The following SH3RF1 variants were observed in gnomAD, a reference collection of about 807,000 sequenced individuals.
SH3RF1 encodes SH3 domain containing ring finger 1.
Under a neutral mutation model 74.0 loss-of-function variants are expected in SH3RF1, and 32 were observed. That is an observed-to-expected ratio of 0.43 (90% CI 0.33 to 0.58). The LOEUF (loss-of-function observed/expected upper bound fraction) is 0.58, where lower values mean the gene tolerates loss of function less well. Among genes scored for constraint, SH3RF1 ranks in the 20% least tolerant of loss-of-function variants. The pLI is 0.05. For synonymous variants in SH3RF1, 396 were observed against 439.6 expected, an observed-to-expected ratio of 0.90 and a Z score of 1.24; for missense variants, 954 against 1,130.9, an observed-to-expected ratio of 0.84 and a Z score of 2.24.
chr4:169,248,710 C>T (rs1470594524), intron 2 of SH3RF1, among the ~76,000 whole-genome samples: 1 of 152,126 alleles, frequency 6.6e-6, no homozygotes, highest in East Asian at 1.9e-4. Flanking sequence ...GTGAGCAGTC[C>T]AGTTTCCCAA....
chr4:169,266,746 C>T (rs547792336), intron 2 of SH3RF1, among the ~76,000 whole-genome samples: 22 of 152,186 alleles, frequency 1.4e-4, no homozygotes, highest in African/African-American at 5.1e-4. Context: ...ACTGAAGATG[C>T]AAGTAGCTAG....
chr4:169,110,049 G>T (rs1478410061), intron 10 of SH3RF1, among the ~76,000 whole-genome samples: 2 of 146,556 alleles, frequency 1.4e-5, no homozygotes, highest in African/African-American at 5.1e-5. Context: ...AACCACCTGG[G>T]AGGAGGAAGA....
chr4:169,197,877 TATA>T (rs1286708059), intron 2 of SH3RF1, among the ~76,000 whole-genome samples: 1 of 152,134 alleles, frequency 6.6e-6, no homozygotes, highest in Non-Finnish European at 1.5e-5. Context: ...GACTCCAGAT[TATA>T]ATAAGACTCT....
chr4:169,257,684 T>G (rs2110754460), intron 2 of SH3RF1, among the ~76,000 whole-genome samples: 1 of 152,368 alleles, frequency 6.6e-6, no homozygotes, highest in Admixed American at 6.5e-5. Context: ...CAGGACATTT[T>G]AATATGCAGA....
At chr4:169,101,539 G>GT (rs1733032566) in intron 11 of SH3RF1, among the ~76,000 whole-genome samples, 1 of 152,054 alleles carries the variant, frequency 6.6e-6, no homozygotes, top group Non-Finnish European at 1.5e-5. Context: ...GCAGTGAATG[G>GT]TTGTATGACA....
At chr4:169,154,111 G>A (rs963204248) in intron 4 of SH3RF1, among the ~76,000 whole-genome samples, 1 of 152,156 alleles carries the variant, frequency 6.6e-6, no homozygotes, top group African/African-American at 2.4e-5. Flanking sequence ...GCTTGGAAGT[G>A]CTTGTAGTTT....
At chr4:169,257,131 G>A (rs986850877) in intron 2 of SH3RF1, among the ~76,000 whole-genome samples, 2 of 152,110 alleles carry the variant, frequency 1.3e-5, no homozygotes, top group African/African-American at 2.4e-5. Flanking sequence ...AGATAACAAG[G>A]AACAGAGGAA....
At chr4:169,204,952 G>C (rs915493904) in intron 2 of SH3RF1, among the ~76,000 whole-genome samples, 4 of 152,132 alleles carry the variant, frequency 2.6e-5, no homozygotes, top group African/African-American at 4.8e-5. Context: ...TTTTAAAAAG[G>C]CTTCACGAGA....
At chr4:169,122,437 A>G (rs1000837150) in intron 6 of SH3RF1, among the ~76,000 whole-genome samples, 171 bp from the exon 7 acceptor site, 8 of 152,242 alleles carry the variant, frequency 5.3e-5, no homozygotes, top group Non-Finnish European at 1.0e-4. Context: ...GCCTGCTTCT[A>G]CAAATTCATC....
intron 10 of SH3RF1, among the ~76,000 whole-genome samples, 159 bp downstream of exon 10, chr4:169,116,110 T>C (rs141474253): frequency 1.3e-5 from 2 of 152,196 alleles, no homozygotes; most frequent in African/African-American, 4.8e-5. Flanking sequence ...TCTTCCCCAC[T>C]CTACTCCTAG....
At chr4:169,145,761 A>C (rs574859361) in intron 4 of SH3RF1, among the ~76,000 whole-genome samples, 1 of 144,150 alleles carries the variant, frequency 6.9e-6, no homozygotes, top group Non-Finnish European at 1.5e-5. Flanking sequence ...ACTATATAAA[A>C]TATATAAAAT....
chr4:169,233,357 A>G (rs1303256630), intron 2 of SH3RF1, among the ~76,000 whole-genome samples: 1 of 152,074 alleles, frequency 6.6e-6, no homozygotes, highest in African/African-American at 2.4e-5. Context: ...CATGTACAGT[A>G]GCATATATAT....
chr4:169,261,113 T>C (rs759412713), intron 2 of SH3RF1, among the ~76,000 whole-genome samples: 2 of 152,132 alleles, frequency 1.3e-5, no homozygotes. Context: ...ACAACCACTC[T>C]GCATGGAGCT....
In SH3RF1 at chr4:169,134,359, C is replaced by T. The variant is rs138098567; in HGVS notation, c.1068+1959G>A. Among the ~76,000 whole-genome samples, 3 of 152,320 alleles carry T rather than the reference C, an allele frequency of 2.0e-5. No homozygotes were observed. In the East Asian group the frequency reaches 5.8e-4, roughly 29 times the overall value. On this transcript the variant is annotated intron_variant, in intron 5 of 11. Transcript: ENST00000284637. ...TGTGGTAACGTCAGGCATGCTCACA[C>T]CTGAATGCTGAGCTCTCTGCAAAAG...
chr4:169,246,878 T>G (rs544202014), intron 2 of SH3RF1, among the ~76,000 whole-genome samples: 217 of 152,360 alleles, frequency 1.4e-3, no homozygotes, highest in Middle Eastern at 3.4e-3. Flanking sequence ...ATGACAATCT[T>G]GCAAGACTGC....
intron 4 of SH3RF1, among the ~76,000 whole-genome samples, chr4:169,150,971 T>C (rs535986181): frequency 6.6e-6 from 1 of 152,228 alleles, no homozygotes; most frequent in Admixed American, 6.5e-5. Flanking sequence ...GTCTGAAGAA[T>C]GTAACATCCT....
intron 2 of SH3RF1, among the ~76,000 whole-genome samples, chr4:169,242,652 C>A (rs1730931560): frequency 6.6e-6 from 1 of 152,110 alleles, no homozygotes; most frequent in African/African-American, 2.4e-5. Context: ...GGGAGATGGG[C>A]CCAATGGGAG....
At chr4:169,218,032 A>G (rs889147125) in intron 2 of SH3RF1, among the ~76,000 whole-genome samples, 2 of 151,660 alleles carry the variant, frequency 1.3e-5, no homozygotes, top group African/African-American at 4.8e-5. Flanking sequence ...TGTGAATGCT[A>G]TTATCCCTAT....
At chr4:169,179,288 T>C (rs1278683641) in intron 2 of SH3RF1, among the ~76,000 whole-genome samples, 1 of 152,198 alleles carries the variant, frequency 6.6e-6, no homozygotes, top group Non-Finnish European at 1.5e-5. Context: ...CATAAAAATG[T>C]AAATAAGGAA....
Sources: allele counts gnomAD v4.1 joint callset (sites outside exome capture counted in the v4.1 genomes callset), GRCh38; gene constraint gnomAD v4.1.1; transcripts MANE v1.5; gene names NCBI Gene and HGNC (gene_info 2026-07-23, HGNC 2026-07-21).